LHFPL3: variants seen among roughly 807,000 people sequenced by gnomAD.
The protein encoded by LHFPL3 is LHFPL tetraspan subfamily member 3.
In LHFPL3, 5 loss-of-function variants were observed where a neutral mutation model predicts 19.3. That is an observed-to-expected ratio of 0.26 (90% CI 0.14 to 0.54). The LOEUF is 0.54. Ranked by LOEUF, LHFPL3 falls within the 20% of genes least tolerant of loss-of-function variation. The pLI is 0.94. For missense variants in LHFPL3, 249 were observed against 307.4 expected, an observed-to-expected ratio of 0.81 and a Z score of 1.42; for synonymous variants, 133 against 126.2, an observed-to-expected ratio of 1.05 and a Z score of -0.36.
intron 1 of LHFPL3, 101 bp from the exon 2 acceptor site, chr7:104,736,574 A>C (rs1187980996): frequency 1.3e-6 from 1 of 761,060 alleles, no homozygotes; most frequent in Non-Finnish European, 2.2e-6. Context: ...ATCAAGAATA[A>C]TTTGAAACAA....
chr7:104,901,950 A>T (rs1040513009), intron 2 of LHFPL3, among the ~76,000 whole-genome samples: 2 of 152,046 alleles, frequency 1.3e-5, no homozygotes, highest in African/African-American at 4.8e-5. Flanking sequence ...CTAGACACTC[A>T]CTTGCCTCAC....
chr7:104,841,545 T>G (rs990929379), intron 2 of LHFPL3, among the ~76,000 whole-genome samples: 1 of 150,054 alleles, frequency 6.7e-6, no homozygotes, highest in African/African-American at 2.5e-5. Flanking sequence ...AGGGTACCTG[T>G]GTGTGGCTGT....
intron 1 of LHFPL3, among the ~76,000 whole-genome samples, chr7:104,577,502 A>G (rs1448213790): frequency 1.3e-5 from 2 of 152,220 alleles, no homozygotes; most frequent in East Asian, 3.8e-4. Context: ...ATATGTGTGT[A>G]CAAGTATAGA....
At chr7:104,780,207 G>C (rs995824088) in intron 2 of LHFPL3, among the ~76,000 whole-genome samples, 8 of 152,170 alleles carry the variant, frequency 5.3e-5, no homozygotes, top group African/African-American at 1.9e-4. Flanking sequence ...TTGTGAGTGA[G>C]GTCTAGTGCA....
chr7:104,794,075 G>C (rs1790072064), intron 2 of LHFPL3, among the ~76,000 whole-genome samples: 1 of 152,126 alleles, frequency 6.6e-6, no homozygotes, highest in African/African-American at 2.4e-5. Context: ...ATACACGTAT[G>C]ATCGGCACAC....
chr7:104,775,544 C>A (rs1289704802), intron 2 of LHFPL3, among the ~76,000 whole-genome samples: 1 of 151,878 alleles, frequency 6.6e-6, no homozygotes, highest in African/African-American at 2.4e-5. Flanking sequence ...CATTTTCCTG[C>A]CAGGTGTGTG....
chr7:104,401,581 A>G (rs1478927105), intron 1 of LHFPL3, among the ~76,000 whole-genome samples: 1 of 152,198 alleles, frequency 6.6e-6, no homozygotes, highest in African/African-American at 2.4e-5. Flanking sequence ...CCTAAACTCA[A>G]ATAAATTTTA....
At chr7:104,793,235 C>T (rs1790057381) in intron 2 of LHFPL3, among the ~76,000 whole-genome samples, 1 of 152,112 alleles carries the variant, frequency 6.6e-6, no homozygotes, top group South Asian at 2.1e-4. Flanking sequence ...CATCCTTGCG[C>T]AACTGGGTGG....
In LHFPL3 at chr7:104,736,844, T is replaced by C; in HGVS notation, c.615T>C (p.Phe205=). Residue 205 remains phenylalanine, a synonymous_variant, in exon 2 of 3, where the codon TTT becomes TTC. Coordinates refer to ENST00000424859, the MANE Select transcript of LHFPL3 (RefSeq NM_199000.3). The stretch of plus-strand genomic sequence containing the variant: ...TTTTGGATGCCCTGATCCTCTCATT[T>C]CTAGCATTTGTGCTTGGTAATCGAC... ...IGILDALILS[F]LAFVLGNRQD... is the part of the protein sequence containing the mutation. 1.9e-6 allele frequency: 3 copies of C among 1,612,976 alleles called. No homozygotes were observed. The highest frequency in any genetic ancestry group is 2.5e-6 in the Non-Finnish European group (3 of 1,179,532).
At chr7:104,495,195 T>C (rs552496128) in intron 1 of LHFPL3, among the ~76,000 whole-genome samples, 1 of 152,200 alleles carries the variant, frequency 6.6e-6, no homozygotes, top group East Asian at 1.9e-4. Flanking sequence ...ACTACCTTCT[T>C]TGGGCTTTCA....
intron 1 of LHFPL3, among the ~76,000 whole-genome samples, chr7:104,344,443 ACCATCATATCACTCTGTTTGC>A (rs1006250186): frequency 6.6e-5 from 10 of 152,082 alleles, no homozygotes. Flanking sequence ...ATCTCCAAAG[ACCATCATATCACTCTGTTTGC>A]CTTTGCGTAC....
chr7:104,441,413 T>C (rs951107135), intron 1 of LHFPL3, among the ~76,000 whole-genome samples: 1 of 152,210 alleles, frequency 6.6e-6, no homozygotes, highest in Non-Finnish European at 1.5e-5. Context: ...AGAATTTTCT[T>C]CCTCTTTAAG....
At chr7:104,600,896 G>T (rs1019613572) in intron 1 of LHFPL3, among the ~76,000 whole-genome samples, 2 of 152,182 alleles carry the variant, frequency 1.3e-5, no homozygotes, top group Non-Finnish European at 2.9e-5. Context: ...CTTTGGACCA[G>T]GCACTGTGCT....
At chr7:104,708,954 T>C (rs1157216573) in intron 1 of LHFPL3, among the ~76,000 whole-genome samples, 1 of 152,114 alleles carries the variant, frequency 6.6e-6, no homozygotes, top group Non-Finnish European at 1.5e-5. Context: ...GTTACCTGAC[T>C]GAAGAGGCCA....
At chr7:104,513,939 A>ACAGGGT (rs1584372073) in intron 1 of LHFPL3, among the ~76,000 whole-genome samples, 2 of 152,008 alleles carry the variant, frequency 1.3e-5, no homozygotes, top group East Asian at 3.9e-4. Context: ...AACTGACAGG[A>ACAGGGT]CAGGGTCAAG....
At chr7:104,809,585 A>G (rs1017990749) in intron 2 of LHFPL3, among the ~76,000 whole-genome samples, 4 of 152,220 alleles carry the variant, frequency 2.6e-5, no homozygotes, top group African/African-American at 4.8e-5. Flanking sequence ...TCTCACAATA[A>G]CAGCACCTTT....
intron 1 of LHFPL3, among the ~76,000 whole-genome samples, chr7:104,665,737 A>G (rs1218138221): frequency 1.3e-5 from 2 of 152,238 alleles, no homozygotes; most frequent in Admixed American, 6.5e-5. Flanking sequence ...TGCATGAAAG[A>G]TGACCTATCT....
intron 1 of LHFPL3, among the ~76,000 whole-genome samples, chr7:104,657,195 A>G (rs78915976): frequency 0.044 from 6,681 of 152,332 alleles, 194 homozygotes; most frequent in East Asian, 0.13. Flanking sequence ...AAAATATTCA[A>G]TCACCAATAT....
intron 1 of LHFPL3, among the ~76,000 whole-genome samples, chr7:104,338,087 CTTTTTCTTTTTTTT>C (rs1191955401): frequency 6.0e-5 from 7 of 116,194 alleles, no homozygotes; most frequent in Admixed American, 1.9e-4. Flanking sequence ...CTTTATTTTC[CTTTTTCTTTTTTTT>C]TTTTTTTTTT....
Sources: gnomAD v4.1 joint callset for allele counts (sites outside exome capture counted in the v4.1 genomes callset) on GRCh38, gnomAD v4.1.1 for gene constraint, MANE v1.5 for transcripts, NCBI Gene and HGNC (gene_info 2026-07-23, HGNC 2026-07-21) for gene names.